The following ADAMTS3 variants were observed in gnomAD, a reference collection of about 807,000 sequenced individuals.
ADAMTS3 encodes the protein ADAM metallopeptidase with thrombospondin type 1 motif 3, also known as A disintegrin and metalloproteinase with thrombospondin motifs 3.
ADAMTS3 carries 73 observed loss-of-function variants against 129.0 expected under a neutral mutation model. The observed-to-expected ratio is 0.57, with a 90% CI of 0.47 to 0.69. ADAMTS3 has a LOEUF of 0.69. ADAMTS3 is among the 30% of genes least tolerant of loss of function. The pLI is 0.00. For missense variants in ADAMTS3, 1,457 were observed against 1,514.5 expected (o/e 0.96, Z 0.63); for synonymous variants, 477 against 510.8 (o/e 0.93, Z 0.89).
At chr4:72,557,134 T>C (rs1025199382) in intron 2 of ADAMTS3, among the ~76,000 whole-genome samples, 1 of 151,846 alleles carries the variant, frequency 6.6e-6, no homozygotes, top group Non-Finnish European at 1.5e-5. Context: ...TATGCAATAA[T>C]CTGGCCTCAA....
chr4:72,304,946 T>C (rs948042606), intron 16 of ADAMTS3, among the ~76,000 whole-genome samples: 4 of 152,050 alleles, frequency 2.6e-5, no homozygotes, highest in African/African-American at 9.7e-5. Context: ...GAGAGAACTA[T>C]AGCTGACTGC....
intron 4 of ADAMTS3, among the ~76,000 whole-genome samples, chr4:72,392,915 A>ATTTTTTTTTTTTT (rs36046621): frequency 9.3e-5 from 13 of 139,852 alleles, no homozygotes; most frequent in Non-Finnish European, 1.2e-4. Flanking sequence ...TACCCATCGG[A>ATTTTTTTTTTTTT]TTTTTTTTTT....
chr4:72,379,698 T>C (rs563227290), intron 4 of ADAMTS3, among the ~76,000 whole-genome samples: 1 of 152,314 alleles, frequency 6.6e-6, no homozygotes, highest in South Asian at 2.1e-4. Flanking sequence ...CCTTTAGTTT[T>C]CTGGCAAATC....
intron 4 of ADAMTS3, among the ~76,000 whole-genome samples, chr4:72,340,021 C>G (rs1334600893): frequency 1.3e-5 from 2 of 152,082 alleles, no homozygotes; most frequent in South Asian, 4.1e-4. Flanking sequence ...GTACAGAATA[C>G]AGGCTGGCTA....
At chr4:72,483,499 C>T (rs1291738519) in intron 3 of ADAMTS3, among the ~76,000 whole-genome samples, 1 of 152,122 alleles carries the variant, frequency 6.6e-6, no homozygotes, top group Non-Finnish European at 1.5e-5. Context: ...AAAAGAGTGA[C>T]ACCCCATCAA....
At chr4:72,490,472 G>C (rs910740367) in intron 3 of ADAMTS3, among the ~76,000 whole-genome samples, 7 of 151,654 alleles carry the variant, frequency 4.6e-5, no homozygotes, top group African/African-American at 1.7e-4. Context: ...CTACTACTTT[G>C]GCAATTTCAG....
intron 4 of ADAMTS3, among the ~76,000 whole-genome samples, chr4:72,391,145 G>C (rs1243720294): frequency 6.6e-6 from 1 of 152,156 alleles, no homozygotes; most frequent in African/African-American, 2.4e-5. Flanking sequence ...AGGTTAGAGG[G>C]AAGAAAGGGT....
At chr4:72,529,651 A>C (rs984698867) in intron 3 of ADAMTS3, among the ~76,000 whole-genome samples, 1 of 130,352 alleles carries the variant, frequency 7.7e-6, no homozygotes, top group African/African-American at 2.9e-5. Context: ...AATACATTAT[A>C]ATATATATAT....
At chr4:72,535,800 A>C (rs1721172412) in intron 3 of ADAMTS3, among the ~76,000 whole-genome samples, 1 of 152,184 alleles carries the variant, frequency 6.6e-6, no homozygotes, top group Non-Finnish European at 1.5e-5. Context: ...TTAAAAAAAA[A>C]GACAGCAAAA....
intron 3 of ADAMTS3, among the ~76,000 whole-genome samples, chr4:72,498,668 C>T (rs1016190785): frequency 5.9e-5 from 9 of 151,858 alleles, no homozygotes; most frequent in Admixed American, 2.0e-4. Context: ...CACACACACA[C>T]GCACACACAC....
At chr4:72,343,261 G>C (rs1006515964) in intron 4 of ADAMTS3, among the ~76,000 whole-genome samples, 1 of 152,114 alleles carries the variant, frequency 6.6e-6, no homozygotes, top group African/African-American at 2.4e-5. Context: ...GGAAGATGGA[G>C]CTGCCATGTT....
intron 5 of ADAMTS3, chr4:72,330,425 C>A (rs1011678712): frequency 6.6e-6 from 1 of 152,192 alleles, no homozygotes; most frequent in Admixed American, 6.5e-5. Flanking sequence ...TACCTGGATA[C>A]CTCACAGCAC....
chr4:72,516,864 C>T (rs1455634733), intron 3 of ADAMTS3, among the ~76,000 whole-genome samples: 2 of 151,968 alleles, frequency 1.3e-5, no homozygotes, highest in Non-Finnish European at 2.9e-5. Context: ...CCAGAACTTC[C>T]AACACTCTGT....
At chr4:72,443,964 G>T (rs1455469388) in intron 3 of ADAMTS3, among the ~76,000 whole-genome samples, 2 of 151,578 alleles carry the variant, frequency 1.3e-5, no homozygotes, top group Non-Finnish European at 3.0e-5. Flanking sequence ...TATATTTATG[G>T]GGCCAAAATA....
chr4:72,384,870 A>G (rs1244929125), intron 4 of ADAMTS3, among the ~76,000 whole-genome samples: 3 of 152,174 alleles, frequency 2.0e-5, no homozygotes, highest in Non-Finnish European at 4.4e-5. Flanking sequence ...TTATAACTAT[A>G]GCATAAAGAA....
chr4:72,417,762 C>G (rs1722341078), intron 3 of ADAMTS3, among the ~76,000 whole-genome samples: 1 of 151,370 alleles, frequency 6.6e-6, no homozygotes, highest in Admixed American at 6.6e-5. Flanking sequence ...AACCCTGTCT[C>G]TACTAAAAAT....
intron 5 of ADAMTS3, among the ~76,000 whole-genome samples, chr4:72,327,302 A>G (rs145688739): frequency 3.8e-4 from 58 of 152,272 alleles, no homozygotes; most frequent in African/African-American, 1.3e-3. Context: ...GAAATTCTTA[A>G]TAATTCTAAA....
intron 3 of ADAMTS3, among the ~76,000 whole-genome samples, chr4:72,496,546 T>C (rs1269229985): frequency 6.6e-6 from 1 of 152,130 alleles, no homozygotes; most frequent in Non-Finnish European, 1.5e-5. Context: ...TATAAAAGTG[T>C]CTGCCACTCC....
intron 3 of ADAMTS3, among the ~76,000 whole-genome samples, chr4:72,503,463 G>C (rs530112995): frequency 6.6e-6 from 1 of 152,304 alleles, no homozygotes; most frequent in Non-Finnish European, 1.5e-5. Flanking sequence ...ACTGTGGTCT[G>C]AGATTATAGT....
Sources: allele counts gnomAD v4.1 joint callset (sites outside exome capture counted in the v4.1 genomes callset), GRCh38; gene constraint gnomAD v4.1.1; transcripts MANE v1.5; gene names NCBI Gene and HGNC (gene_info 2026-07-23, HGNC 2026-07-21).